Variants in PDZD2 observed in about 807,000 individuals in gnomAD.
PDZD2 encodes the protein PDZ domain containing 2.
In PDZD2, 90 loss-of-function variants were observed where a neutral mutation model predicts 220.7. The observed-to-expected ratio is 0.41, with a 90% confidence interval of 0.34 to 0.49. PDZD2 has a LOEUF of 0.49. PDZD2 is among the 20% of genes least tolerant of loss of function. The probability of loss-of-function intolerance (pLI) is 0.28; values close to 1 mark genes in which losing one functional copy is unlikely to be tolerated. For synonymous variants in PDZD2, 1,375 were observed against 1,450.5 expected, an observed-to-expected ratio of 0.95 and a Z score of 1.18; for missense variants, 3,174 against 3,608.5, an observed-to-expected ratio of 0.88 and a Z score of 3.08.
intron 2 of PDZD2, among the ~76,000 whole-genome samples, chr5:31,963,843 C>A (rs962387258): frequency 6.6e-6 from 1 of 152,070 alleles, no homozygotes; most frequent in Non-Finnish European, 1.5e-5. Context: ...CTAGCTCAAT[C>A]CCCCAATGCC....
In PDZD2 at chr5:32,090,519, T is replaced by C. The variant is rs745654272; in HGVS notation, c.7071T>C (p.Ala2357=). 5.6e-6 allele frequency: 9 copies of C among 1,613,800 alleles called. No individual in the cohort carries two copies. Among genetic ancestry groups the C allele is most frequent in the Non-Finnish European group, 7.6e-6 (9 of 1,179,980 alleles). Residue 2357 remains alanine, a synonymous_variant, in exon 20 of 25, where the codon GCT becomes GCC. Coordinates refer to ENST00000438447, the MANE Select transcript of PDZD2 (RefSeq NM_178140.4). This position sits in a 1 kb window ranked among gnomAD's most constrained non-coding sequence, Gnocchi z 4.3. ...NADRPVAKSG[A]SPFLSVSSKP... ...ACCGGCCTGTAGCCAAGTCCGGGGC[T>C]TCCCCATTTTTGTCGGTGAGCTCCA...
intron 2 of PDZD2, among the ~76,000 whole-genome samples, chr5:31,801,365 G>A (rs140273195): frequency 7.6e-4 from 90 of 118,624 alleles, no homozygotes; most frequent in African/African-American, 2.7e-3. Context: ...CAGAAAAGGA[G>A]CAACGCTGAC....
intron 1 of PDZD2, among the ~76,000 whole-genome samples, chr5:31,705,359 T>G (rs80235762): frequency 0.021 from 3,240 of 152,240 alleles, 49 homozygotes; most frequent in Non-Finnish European, 0.03. Flanking sequence ...GAATTTGTAC[T>G]AAGAAGATAG....
At chr5:31,833,765 T>G (rs1448401220) in intron 2 of PDZD2, among the ~76,000 whole-genome samples, 1 of 152,218 alleles carries the variant, frequency 6.6e-6, no homozygotes, top group Non-Finnish European at 1.5e-5. Context: ...CTTTCTACCG[T>G]TTATCCTGAA....
rs1417322501 is a variant in PDZD2 at position 31,983,200 on chromosome 5, C to A, written c.522C>A (p.Ile174=). The A allele has an allele frequency of 6.2e-7, 1 of 1,614,104 alleles. No individual in the cohort carries two copies. Among genetic ancestry groups the A allele is most frequent in the East Asian group, 2.2e-5 (1 of 44,884 alleles). The change falls in exon 3 of 25, where the codon ATC becomes ATA. Residue 174 remains isoleucine (I), a synonymous_variant. Coordinates refer to ENST00000438447, the MANE Select transcript of PDZD2 (RefSeq NM_178140.4). ...GGAATGGCGGCTTTATCTACCTGAT[C>A]ATGCTGCGTCGCTTTAAGCACAAAG... ...QCWNGGFIYL[I]MLRRFKHKAH... is the part of the protein sequence containing the mutation.
chr5:31,816,287 C>CAAA (rs34233316), intron 2 of PDZD2, among the ~76,000 whole-genome samples: 9 of 99,140 alleles, frequency 9.1e-5, no homozygotes, highest in Non-Finnish European at 1.4e-4. Context: ...GACTCCATCT[C>CAAA]AAAAAAAAAA....
chr5:31,738,311 T>A (rs1750028891), intron 1 of PDZD2: 3 of 152,370 alleles, frequency 2.0e-5, no homozygotes. Context: ...TATTGTTGCT[T>A]GGTTGTGCTT....
chr5:31,663,463 A>C (rs757709246), intron 1 of PDZD2, among the ~76,000 whole-genome samples: 4 of 152,100 alleles, frequency 2.6e-5, no homozygotes, highest in African/African-American at 4.8e-5. Flanking sequence ...AGGTTGTTTT[A>C]CCTTGGCATT....
At chr5:31,811,568 T>C (rs1340336028) in intron 2 of PDZD2, among the ~76,000 whole-genome samples, 1 of 152,202 alleles carries the variant, frequency 6.6e-6, no homozygotes, top group African/African-American at 2.4e-5. Context: ...ACTATAAGGT[T>C]GATCAGTTTA....
chr5:31,737,167 C>CTTTTTTTTT (rs57379430), intron 1 of PDZD2, among the ~76,000 whole-genome samples: 4 of 66,300 alleles, frequency 6.0e-5, no homozygotes, highest in African/African-American at 6.4e-5. Context: ...CAGTCTACTT[C>CTTTTTTTTT]TTTTTTTTTT....
At chr5:31,974,324 C>T (rs1402194289) in intron 2 of PDZD2, among the ~76,000 whole-genome samples, 2 of 150,960 alleles carry the variant, frequency 1.3e-5, no homozygotes, top group Non-Finnish European at 2.9e-5. Context: ...TCAGGCTGGG[C>T]GACAGAGTGA....
At chr5:31,726,817 G>A (rs771179907) in intron 1 of PDZD2, among the ~76,000 whole-genome samples, 10 of 152,254 alleles carry the variant, frequency 6.6e-5, no homozygotes, top group South Asian at 2.1e-4. Flanking sequence ...GTAATAGGCC[G>A]TTGTCCCATT....
In PDZD2 at chr5:32,110,323, T is replaced by G. The variant is rs1438963485; in HGVS notation, c.*2188T>G. 1 of 152,650 alleles carries G rather than the reference T, an allele frequency of 6.6e-6. No homozygotes were observed. The highest frequency in any genetic ancestry group is 1.5e-5 in the Non-Finnish European group (1 of 68,034). The allele number at this position is 152,650 out of a possible 1,614,324, so 9.5% of individuals were successfully genotyped here. On this transcript the variant is annotated 3_prime_UTR_variant, in exon 25 of 25. Transcript: ENST00000438447. ...TAGACCTCTGGCTTACCACATACAC[T>G]ATGCTAAAGTCATCAGCCACTGCTA... is the stretch of plus-strand genomic sequence containing the variant.
Position 31,822,898 on chromosome 5 carries a change from A to G in PDZD2, c.476+23174A>G, listed in dbSNP as rs1368780723. On this transcript the variant is annotated intron_variant, in intron 2 of 24. Coordinates refer to ENST00000438447, the MANE Select transcript of PDZD2 (RefSeq NM_178140.4). ...GAAGCCCAGTGTGACACCCTTGATC[A>G]TGTTCTGTGCATAACTACAAATAGT... is the stretch of plus-strand genomic sequence containing the variant. The G allele has an allele frequency of 7.1e-6, 6 of 843,772 alleles. No homozygotes were observed. The East Asian group carries it at 1.1e-4, about 16-fold the overall frequency. The allele number at this position is 843,772 out of a possible 1,614,324, so 52.3% of individuals were successfully genotyped here.
At chr5:31,654,970 A>C (rs1745489943) in intron 1 of PDZD2, among the ~76,000 whole-genome samples, 1 of 151,900 alleles carries the variant, frequency 6.6e-6, no homozygotes, top group Non-Finnish European at 1.5e-5. Flanking sequence ...CATCTCTTGC[A>C]TCTGTCCCAG....
chr5:32,005,474 T>C (rs548347817), intron 5 of PDZD2, among the ~76,000 whole-genome samples: 52 of 151,916 alleles, frequency 3.4e-4, no homozygotes, highest in African/African-American at 9.9e-4. Context: ...TTTTCACTCT[T>C]GGTTTTTATT....
chr5:31,901,415 CAA>C (rs11300764), intron 2 of PDZD2, among the ~76,000 whole-genome samples: 180 of 136,416 alleles, frequency 1.3e-3, no homozygotes, highest in Middle Eastern at 3.9e-3. Context: ...GAGACTGTCT[CAA>C]AAAAAAAAAA....
At chr5:31,812,458 C>A (rs1246741119) in intron 2 of PDZD2, among the ~76,000 whole-genome samples, 3 of 152,056 alleles carry the variant, frequency 2.0e-5, no homozygotes, top group African/African-American at 7.2e-5. Flanking sequence ...TGATATACAA[C>A]CCTCTTTTTT....
intron 23 of PDZD2, 85 bp from the exon 24 acceptor site, chr5:32,101,020 G>A: frequency 1.3e-6 from 2 of 1,592,604 alleles, no homozygotes; most frequent in Non-Finnish European, 1.7e-6. Flanking sequence ...ACATGGGGCT[G>A]GAGGCGATGC....
Sources: gnomAD v4.1 joint callset for allele counts (sites outside exome capture counted in the v4.1 genomes callset) on GRCh38, gnomAD v4.1.1 for gene constraint, Gnocchi (gnomAD v3.1) non-coding constraint, MANE v1.5 for transcripts, NCBI Gene and HGNC (gene_info 2026-07-23, HGNC 2026-07-21) for gene names.